Variants in PLCB1 observed in about 807,000 individuals in gnomAD.
PLCB1 encodes phospholipase C beta 1.
A neutral mutation model predicts 161.8 loss-of-function variants in PLCB1; 46 were observed. That is an observed-to-expected ratio of 0.28 (90% CI 0.22 to 0.36). PLCB1 has a LOEUF of 0.36. Among genes scored for constraint, PLCB1 ranks in the 10% least tolerant of loss-of-function variants. The pLI, the probability that PLCB1 is intolerant of heterozygous loss-of-function variation, is 1.00. For synonymous variants in PLCB1, 517 were observed against 503.7 expected (o/e 1.03, Z -0.35); for missense variants, 1,016 against 1,472.5 (o/e 0.69, Z 5.07).
intron 3 of PLCB1, among the ~76,000 whole-genome samples, chr20:8,529,888 G>A (rs566567130): frequency 6.6e-6 from 1 of 152,182 alleles, no homozygotes; most frequent in Non-Finnish European, 1.5e-5. Context: ...ACAAGGACTA[G>A]AATTTTTGCA....
At chr20:8,629,465 T>C (rs1018542937) in intron 4 of PLCB1, among the ~76,000 whole-genome samples, 3 of 152,192 alleles carry the variant, frequency 2.0e-5, no homozygotes, top group Admixed American at 6.5e-5. Flanking sequence ...TCTAGAAACG[T>C]CCAATTGTCA....
chr20:8,402,878 C>A (rs1978624832), intron 3 of PLCB1, among the ~76,000 whole-genome samples: 1 of 151,910 alleles, frequency 6.6e-6, no homozygotes, highest in African/African-American at 2.4e-5. Flanking sequence ...AAAAAGTTTT[C>A]ATTTGATTTT....
chr20:8,545,961 T>C (rs1290135855), intron 3 of PLCB1, among the ~76,000 whole-genome samples: 1 of 152,178 alleles, frequency 6.6e-6, no homozygotes, highest in African/African-American at 2.4e-5. Flanking sequence ...AGAAGAAACA[T>C]AAATATTGTG....
At chr20:8,136,697 G>A (rs1379824048) in intron 1 of PLCB1, among the ~76,000 whole-genome samples, 1 of 151,720 alleles carries the variant, frequency 6.6e-6, no homozygotes, top group Non-Finnish European at 1.5e-5. Context: ...ATTAGCAGGT[G>A]TTCTATGGCT....
chr20:8,471,992 A>C (rs538359106), intron 3 of PLCB1, among the ~76,000 whole-genome samples: 1 of 151,884 alleles, frequency 6.6e-6, no homozygotes, highest in East Asian at 1.9e-4. Flanking sequence ...CCAGAATTAC[A>C]AAAAAAATAG....
In PLCB1 at chr20:8,742,059, G is replaced by A. The variant is rs1456117686; in HGVS notation, c.2523+486G>A. ...TGTTATTATTAGATGGTATATTTAT[G>A]TATTATAATGTGTGTCCTGCAAATA... On this transcript the variant is annotated intron_variant, in intron 23 of 31. Coordinates refer to ENST00000338037, the MANE Select transcript of PLCB1 (RefSeq NM_015192.4). 4.6e-5 allele frequency among the ~76,000 whole-genome samples: 7 copies of A among 152,224 alleles called. 1 individual carries two copies. The South Asian group carries it at 1.0e-3, about 23-fold the overall frequency.
At chr20:8,427,295 G>A (rs951259970) in intron 3 of PLCB1, among the ~76,000 whole-genome samples, 3 of 152,114 alleles carry the variant, frequency 2.0e-5, no homozygotes, top group Non-Finnish European at 2.9e-5. Context: ...ATAGACTGAT[G>A]GACAGTCCTG....
At chr20:8,162,038 G>A (rs1600208327) in intron 2 of PLCB1, among the ~76,000 whole-genome samples, 1 of 152,088 alleles carries the variant, frequency 6.6e-6, no homozygotes, top group Admixed American at 6.5e-5. Flanking sequence ...GCTTAGTAAG[G>A]CAATAAATTA....
chr20:8,734,135 CAAAAAAAAAA>C (rs10624037), intron 19 of PLCB1, among the ~76,000 whole-genome samples: 3 of 57,934 alleles, frequency 5.2e-5, no homozygotes, highest in East Asian at 7.4e-4. Context: ...GACTCTGTCT[CAAAAAAAAAA>C]AAAAAAAAAA....
rs181066512 is a variant in PLCB1, at chr20:8,835,279, C to T, written c.3423+45018C>T. 9.9e-5 allele frequency among the ~76,000 whole-genome samples: 15 copies of T among 152,254 alleles called. No individual in the cohort carries two copies. In the South Asian group the frequency reaches 1.9e-3, roughly 19 times the overall value. The stretch of plus-strand genomic sequence containing the variant: ...ACAGGAGATGAGTAGCAGATGAATT[C>T]GGAGTGCCCTTGAGGTGAGGCTGGT... On this transcript the variant is annotated intron_variant, in intron 31 of 31. Coordinates refer to ENST00000338037, the MANE Select transcript of PLCB1 (RefSeq NM_015192.4).
rs11905587 is a variant in PLCB1, at chr20:8,711,074, C to T, written c.1250+2322C>T. 3.1e-3 allele frequency among the ~76,000 whole-genome samples: 467 copies of T among 152,238 alleles called. 2 individuals carry two copies. The highest frequency in any genetic ancestry group is 9.8e-3 in the African/African-American group (407 of 41,500). On this transcript the variant is annotated intron_variant, in intron 12 of 31. Coordinates refer to ENST00000338037, the MANE Select transcript of PLCB1 (RefSeq NM_015192.4). ...TTCTAAGAGTAAATATTATGATTAT[C>T]GCCATTTTACAGATGATGGAACTGA...
At chr20:8,636,947 G>A (rs923668998) in intron 4 of PLCB1, among the ~76,000 whole-genome samples, 3 of 151,310 alleles carry the variant, frequency 2.0e-5, no homozygotes, top group African/African-American at 7.3e-5. Context: ...ACCTCCATCT[G>A]CCTACCTTCT....
chr20:8,736,717 C>T (rs1980604500), intron 19 of PLCB1, among the ~76,000 whole-genome samples: 1 of 152,128 alleles, frequency 6.6e-6, no homozygotes, highest in East Asian at 1.9e-4. Context: ...ACTTATTAAA[C>T]CATCAGATCT....
intron 3 of PLCB1, among the ~76,000 whole-genome samples, chr20:8,466,682 T>G (rs928286483): frequency 1.3e-5 from 2 of 152,114 alleles, no homozygotes; most frequent in African/African-American, 4.8e-5. Context: ...GACCTTAAAT[T>G]TAGTACTATT....
At chr20:8,386,336 G>A (rs111987693) in intron 3 of PLCB1, among the ~76,000 whole-genome samples, 1 of 152,152 alleles carries the variant, frequency 6.6e-6, no homozygotes, top group Non-Finnish European at 1.5e-5. Flanking sequence ...GAATGGATGC[G>A]TTAGCTGGTA....
rs138656860 is a variant in PLCB1, at chr20:8,439,199, G to A, written c.246+67749G>A. On this transcript the variant is annotated intron_variant, in intron 3 of 31. Transcript: ENST00000338037. ...GAGTGCAAATTGCCAACAACTTACT[G>A]TAGCGTTTCCATCCACAGCATTCAG... Among the ~76,000 whole-genome samples the A allele has an allele frequency of 9.4e-3, 1,434 of 152,240 alleles. 21 individuals carry two copies. The highest frequency in any genetic ancestry group is 0.032 in the African/African-American group (1,347 of 41,536).
At chr20:8,592,826 C>A (rs1987191425) in intron 3 of PLCB1, among the ~76,000 whole-genome samples, 1 of 152,136 alleles carries the variant, frequency 6.6e-6, no homozygotes, top group African/African-American at 2.4e-5. Context: ...ATGTTAAATG[C>A]CCACCATATA....
intron 3 of PLCB1, among the ~76,000 whole-genome samples, chr20:8,482,165 G>A (rs527648245): frequency 8.5e-5 from 12 of 140,668 alleles, no homozygotes; most frequent in African/African-American, 3.3e-4. Context: ...GTGAAGTGGC[G>A]TGATCTCGGC....
At chr20:8,734,805 T>TACTGGACATA (rs541484662) in intron 19 of PLCB1, among the ~76,000 whole-genome samples, 2,752 of 152,248 alleles carry the variant, frequency 0.018, 41 homozygotes, top group South Asian at 0.047. Context: ...GAAATTTTTT[T>TACTGGACATA]ACTGGACATA....
Sources: gnomAD v4.1 joint callset for allele counts (sites outside exome capture counted in the v4.1 genomes callset) on GRCh38, gnomAD v4.1.1 for gene constraint, MANE v1.5 for transcripts, NCBI Gene and HGNC (gene_info 2026-07-23, HGNC 2026-07-21) for gene names.